The following HPSE2 variants were observed in gnomAD, a reference collection of about 807,000 sequenced individuals.
The protein encoded by HPSE2 is inactive heparanase-2.
HPSE2 carries 38 observed loss-of-function variants against 60.5 expected under a neutral mutation model. The observed-to-expected ratio is 0.63, with a 90% CI of 0.48 to 0.82. The LOEUF (loss-of-function observed/expected upper bound fraction) is 0.82, where lower values mean the gene tolerates loss of function less well. HPSE2 is among the 40% of genes least tolerant of loss of function. The pLI is 0.00. For missense variants in HPSE2, 713 were observed against 740.4 expected, an observed-to-expected ratio of 0.96 and a Z score of 0.43; for synonymous variants, 295 against 293.2, an observed-to-expected ratio of 1.01 and a Z score of -0.06.
At chr10:98,976,705 G>A (rs949633253) in intron 3 of HPSE2, among the ~76,000 whole-genome samples, 10 of 150,590 alleles carry the variant, frequency 6.6e-5, no homozygotes, top group Non-Finnish European at 1.2e-4. Flanking sequence ...TCATAAAAAC[G>A]GACTGACAAT....
At position 98,459,523 on chromosome 10, in the gene HPSE2, G is replaced by A; in HGVS notation, c.*51C>T. ...AACAGAGGATACTACTGGAGTGGAG[G>A]AGTGGAAGCAGCCCAGCAGGCCCAC... On this transcript the variant is annotated 3_prime_UTR_variant, in exon 12 of 12. Coordinates refer to ENST00000370552, the MANE Select transcript of HPSE2 (RefSeq NM_021828.5). 4 of 1,579,190 alleles carry A rather than the reference G, an allele frequency of 2.5e-6. No homozygotes were observed. Among genetic ancestry groups the A allele is most frequent in the South Asian group, 1.1e-5 (1 of 90,328 alleles).
rs562095149 is a variant in HPSE2 at position 98,688,465 on chromosome 10, C to CTTTTTTTTTTTT, written c.1004+5434_1004+5435insAAAAAAAAAAAA. 2.7e-3 allele frequency among the ~76,000 whole-genome samples: 281 copies of CTTTTTTTTTTTT among 103,684 alleles called. 18 individuals carry two copies. The highest frequency in any genetic ancestry group is 3.4e-3 in the Non-Finnish European group (186 of 53,960). 68.0% of individuals were successfully genotyped at this position (103,684 alleles called of 152,430 possible). ...GTCTGAAGAATTTCCTTTAGCATTTCTTTTTTTTTTTCTTTTTTTTTTTTT... is the reference window on the plus strand; with the variant it reads ...GTCTGAAGAATTTCCTTTAGCATTTCTTTTTTTTTTTTTTTTTTTTTTTCTTTTTTTTTTTTT... On this transcript the variant is annotated intron_variant, in intron 6 of 11. Transcript: ENST00000370552.
At chr10:99,143,874 T>C (rs1243739250) in intron 3 of HPSE2, among the ~76,000 whole-genome samples, 3 of 152,140 alleles carry the variant, frequency 2.0e-5, no homozygotes. Flanking sequence ...TCTTTTACAT[T>C]TCATCTTTAT....
chr10:98,630,552 T>C lies in HPSE2; in HGVS notation c.1099-9844A>G, dbSNP rs561546515. On this transcript the variant is annotated intron_variant, in intron 7 of 11. Transcript: ENST00000370552. ...CTGCTCACTTCTCATCCACATTGTT[T>C]TGATTTTTTTTTTCAAGCCTATTTC... is the stretch of plus-strand genomic sequence containing the variant. Among the ~76,000 whole-genome samples the C allele has an allele frequency of 2.6e-5, 4 of 152,142 alleles. No individual in the cohort carries two copies. In the South Asian group the frequency reaches 8.3e-4, roughly 32 times the overall value.
intron 7 of HPSE2, among the ~76,000 whole-genome samples, chr10:98,639,821 T>C (rs1186895964): frequency 1.3e-5 from 2 of 152,216 alleles, no homozygotes; most frequent in Non-Finnish European, 2.9e-5. Context: ...GTTAGAACCT[T>C]CACTCTCAGT....
chr10:99,241,285 G>C, the HPSE2 span, among the ~76,000 whole-genome samples: 1 of 152,132 alleles, frequency 6.6e-6, no homozygotes, highest in Non-Finnish European at 1.5e-5. Context: ...AAAAACCTTA[G>C]AGCAGGAGTT....
At chr10:98,475,015 G>A (rs1940944634) in intron 11 of HPSE2, among the ~76,000 whole-genome samples, 1 of 152,114 alleles carries the variant, frequency 6.6e-6, no homozygotes, top group African/African-American at 2.4e-5. Context: ...AAGATCAAGG[G>A]ACATTCTGAT....
chr10:99,241,087 A>G, the HPSE2 span, among the ~76,000 whole-genome samples: 1 of 152,204 alleles, frequency 6.6e-6, no homozygotes, highest in Admixed American at 6.5e-5. Flanking sequence ...TTACATATGA[A>G]AAAATTGAGA....
At chr10:99,030,130 A>C (rs1957468172) in intron 3 of HPSE2, among the ~76,000 whole-genome samples, 1 of 152,224 alleles carries the variant, frequency 6.6e-6, no homozygotes, top group African/African-American at 2.4e-5. Flanking sequence ...TTATAGAGCG[A>C]GGATTATTAT....
At chr10:98,532,087 G>A (rs1943147858) in intron 9 of HPSE2, among the ~76,000 whole-genome samples, 1 of 151,976 alleles carries the variant, frequency 6.6e-6, no homozygotes, top group Non-Finnish European at 1.5e-5. Context: ...GATTTCAAGA[G>A]GGCCCTTCCT....
intron 9 of HPSE2, among the ~76,000 whole-genome samples, chr10:98,496,243 T>C (rs1941834288): frequency 6.6e-6 from 1 of 152,102 alleles, no homozygotes; most frequent in Admixed American, 6.5e-5. Context: ...TTCCTGTATT[T>C]AATGTGTGAA....
chr10:98,492,070 C>T (rs1941665058), intron 9 of HPSE2, among the ~76,000 whole-genome samples: 1 of 152,160 alleles, frequency 6.6e-6, no homozygotes, highest in Non-Finnish European at 1.5e-5. Context: ...TCACAAACAC[C>T]CCTGTTTTTA....
chr10:99,230,241 T>A (rs1849600577), intron 2 of HPSE2, among the ~76,000 whole-genome samples: 1 of 152,146 alleles, frequency 6.6e-6, no homozygotes, highest in Non-Finnish European at 1.5e-5. Context: ...CATTTTTTTT[T>A]AAGCTAACAC....
At chr10:98,502,772 T>C (rs896207016) in intron 9 of HPSE2, among the ~76,000 whole-genome samples, 2 of 152,162 alleles carry the variant, frequency 1.3e-5, no homozygotes, top group Non-Finnish European at 2.9e-5. Flanking sequence ...AATCTATACA[T>C]CTGTCAAAGG....
intron 2 of HPSE2, among the ~76,000 whole-genome samples, chr10:99,190,595 CCA>C (rs990428508): frequency 6.6e-6 from 1 of 152,058 alleles, no homozygotes; most frequent in Non-Finnish European, 1.5e-5. Context: ...ATTCTCAGGC[CCA>C]GACTTTCTCA....
intron 5 of HPSE2, among the ~76,000 whole-genome samples, chr10:98,710,425 C>T (rs1948648676): frequency 6.6e-6 from 1 of 152,070 alleles, no homozygotes; most frequent in African/African-American, 2.4e-5. Flanking sequence ...TCTATTTAGG[C>T]TTCCCTTGGA....
At chr10:98,823,181 G>A (rs865679) in intron 3 of HPSE2, among the ~76,000 whole-genome samples, 7,544 of 152,256 alleles carry the variant, frequency 0.05, 584 homozygotes, top group African/African-American at 0.17. Context: ...CTCTTGGAAC[G>A]TCTGGAAGGA....
At chr10:98,639,787 T>C (rs759927733) in intron 7 of HPSE2, among the ~76,000 whole-genome samples, 7 of 152,180 alleles carry the variant, frequency 4.6e-5, no homozygotes, top group Middle Eastern at 3.2e-3. Flanking sequence ...CCACTTGCTA[T>C]ACTTAAATAA....
At chr10:99,279,058 G>A in the HPSE2 span, among the ~76,000 whole-genome samples, 1 of 151,830 alleles carries the variant, frequency 6.6e-6, no homozygotes, top group African/African-American at 2.4e-5. Context: ...TTCTCTCCTA[G>A]TTGTTGAGCT....
Sources: gnomAD v4.1 joint callset for allele counts (sites outside exome capture counted in the v4.1 genomes callset) on GRCh38, gnomAD v4.1.1 for gene constraint, MANE v1.5 for transcripts, NCBI Gene and HGNC (gene_info 2026-07-23, HGNC 2026-07-21) for gene names.